Variants in PSMA5 observed in about 807,000 individuals in gnomAD.
PSMA5 encodes proteasome subunit alpha type-5.
PSMA5 carries 3 observed loss-of-function variants against 34.5 expected under a neutral mutation model. The ratio of observed to expected loss-of-function variants is 0.09; its 90% CI spans 0.04 to 0.22. The LOEUF is 0.22. PSMA5 is among the 10% of genes least tolerant of loss of function. The pLI, the probability that PSMA5 is intolerant of heterozygous loss-of-function variation, is 1.00. For synonymous variants in PSMA5, 88 were observed against 95.8 expected, an observed-to-expected ratio of 0.92 and a Z score of 0.47; for missense variants, 120 against 286.1, an observed-to-expected ratio of 0.42 and a Z score of 4.19.
intron 8 of PSMA5, among the ~76,000 whole-genome samples, chr1:109,407,259 T>C (rs1452686836): frequency 6.6e-6 from 1 of 152,194 alleles, no homozygotes; most frequent in Non-Finnish European, 1.5e-5. Flanking sequence ...AGTGCTGAGA[T>C]TACAGGCATG....
chr1:109,426,213 C>A, intron 1 of PSMA5, 89 bp downstream of exon 1: 1 of 1,549,732 alleles, frequency 6.5e-7, no homozygotes, highest in Non-Finnish European at 8.9e-7. Flanking sequence ...CCTGGGGAGC[C>A]CCATGACACG....
chr1:109,423,901 T>C (rs1386839376), intron 1 of PSMA5, among the ~76,000 whole-genome samples: 5 of 152,352 alleles, frequency 3.3e-5, no homozygotes, highest in Admixed American at 1.3e-4. Context: ...CAGCACACAG[T>C]TGCCTACAGA....
chr1:109,401,303 A>G lies in PSMA5; in HGVS notation c.*710T>C, dbSNP rs1653509514. Reference sequence around the variant, plus strand: ...AAGGAAATCTCTTTCCAAATTGTCTATCAAGACCCAAGAACTGGTACAACA... The same window carrying G: ...AAGGAAATCTCTTTCCAAATTGTCTGTCAAGACCCAAGAACTGGTACAACA... On this transcript the variant is annotated 3_prime_UTR_variant, in exon 9 of 9. Transcript: ENST00000271308. 6.6e-6 allele frequency: 1 copy of G among 152,220 alleles called. No homozygotes were observed. 9.4% of individuals were successfully genotyped at this position (152,220 alleles called of 1,614,324 possible). A position where few individuals can be genotyped will look rare whatever the true frequency, so the allele number is the denominator to read the frequency against.
intron 8 of PSMA5, among the ~76,000 whole-genome samples, chr1:109,402,877 G>T (rs543116977): frequency 6.6e-6 from 1 of 152,052 alleles, no homozygotes; most frequent in East Asian, 1.9e-4. Context: ...GGCTAATTTT[G>T]TATTTTTAGT....
chr1:109,415,962 C>T (rs369896172), intron 2 of PSMA5, among the ~76,000 whole-genome samples: 2 of 152,116 alleles, frequency 1.3e-5, no homozygotes, highest in South Asian at 2.1e-4. Context: ...TATTTAAGGT[C>T]GCTAGAAGTC....
At chr1:109,421,417 C>T (rs1293050823) in intron 2 of PSMA5, among the ~76,000 whole-genome samples, 1 of 148,494 alleles carries the variant, frequency 6.7e-6, no homozygotes, top group Non-Finnish European at 1.5e-5. Context: ...AAGCTGAGAT[C>T]ACGCCACTGA....
chr1:109,421,687 T>C (rs955246094), intron 2 of PSMA5, among the ~76,000 whole-genome samples, 173 bp downstream of exon 2: 16 of 152,044 alleles, frequency 1.1e-4, no homozygotes, highest in African/African-American at 3.9e-4. Context: ...AGTTTTAAAA[T>C]AGATATTAGG....
chr1:109,417,305 T>C (rs1247370290), intron 2 of PSMA5, among the ~76,000 whole-genome samples: 4 of 152,118 alleles, frequency 2.6e-5, no homozygotes, highest in East Asian at 1.9e-4. Flanking sequence ...AGGTTAGTGA[T>C]ACCTGGGTAA....
chr1:109,410,385 A>G (rs1421973094), intron 7 of PSMA5, among the ~76,000 whole-genome samples: 1 of 152,198 alleles, frequency 6.6e-6, no homozygotes, highest in African/African-American at 2.4e-5. Flanking sequence ...AGGTAGCCCA[A>G]TGGTTTAGAA....
At chr1:109,405,286 A>T (rs1653703937) in intron 8 of PSMA5, among the ~76,000 whole-genome samples, 1 of 152,242 alleles carries the variant, frequency 6.6e-6, no homozygotes, top group South Asian at 2.1e-4. Context: ...CGGAATAGGA[A>T]TATCTATCTC....
At position 109,402,693 on chromosome 1, in the gene PSMA5, GT is replaced by G. The variant is rs571054782; in HGVS notation, c.649-604del. 3.5e-3 allele frequency among the ~76,000 whole-genome samples: 538 copies of G among 152,114 alleles called. 2 individuals are homozygous for G. Among genetic ancestry groups the G allele is most frequent in the African/African-American group, 0.012 (518 of 41,486 alleles). The stretch of plus-strand genomic sequence containing the variant: ...TTATGTGGCAAAACTTAACAAAAAA[GT>G]TTTTTTTGTTTGTTTTTGGTTTTGT... On this transcript the variant is annotated intron_variant, in intron 8 of 8. Transcript: ENST00000271308.
intron 8 of PSMA5, among the ~76,000 whole-genome samples, chr1:109,403,040 A>T (rs1299084334): frequency 6.6e-6 from 1 of 152,176 alleles, no homozygotes; most frequent in Non-Finnish European, 1.5e-5. Flanking sequence ...CCAAGAAAAG[A>T]TTTCATTAAC....
chr1:109,426,447 C>T lies in PSMA5; in HGVS notation c.-117G>A. The T allele has an allele frequency of 7.5e-7, 1 of 1,338,018 alleles. No homozygotes were observed. Among genetic ancestry groups the T allele is most frequent in the South Asian group, 1.2e-5 (1 of 85,048 alleles). 82.9% of individuals were successfully genotyped at this position (1,338,018 alleles called of 1,614,324 possible). A position where few individuals can be genotyped will look rare whatever the true frequency, so the allele number is the denominator to read the frequency against. On this transcript the variant is annotated 5_prime_UTR_variant, in exon 1 of 9. Coordinates refer to ENST00000271308, the MANE Select transcript of PSMA5 (RefSeq NM_002790.4). Reference sequence around the variant, plus strand: ...ACACGGCCGCAGTACTAAGGACCAACTGCGCGTGCGACCGCGACCTCTTTA... The same window carrying T: ...ACACGGCCGCAGTACTAAGGACCAATTGCGCGTGCGACCGCGACCTCTTTA...
rs988144505 is a variant in PSMA5, at chr1:109,399,707, T to C, written c.*2306A>G. On this transcript the variant is annotated 3_prime_UTR_variant, in exon 9 of 9. Coordinates refer to ENST00000271308, the MANE Select transcript of PSMA5 (RefSeq NM_002790.4). ...TCAAACTGTATCAGCTTCTGGGACATGGTAACTTGCATATGGCACTGAGAA... is the reference window on the plus strand; with the variant it reads ...TCAAACTGTATCAGCTTCTGGGACACGGTAACTTGCATATGGCACTGAGAA... 6.6e-6 allele frequency: 1 copy of C among 152,234 alleles called. No individual in the cohort carries two copies. Among genetic ancestry groups the C allele is most frequent in the South Asian group, 2.1e-4 (1 of 4,838 alleles). 9.4% of individuals were successfully genotyped at this position (152,234 alleles called of 1,614,324 possible). A position where few individuals can be genotyped will look rare whatever the true frequency, so the allele number is the denominator to read the frequency against.
At chr1:109,419,306 C>T (rs1222339867) in intron 2 of PSMA5, among the ~76,000 whole-genome samples, 2 of 152,164 alleles carry the variant, frequency 1.3e-5, no homozygotes, top group Non-Finnish European at 2.9e-5. Context: ...ATGAAGTCCA[C>T]AGGTACACAG....
chr1:109,410,957 T>A, intron 7 of PSMA5, 54 bp downstream of exon 7: 1 of 1,323,848 alleles, frequency 7.6e-7, no homozygotes, highest in East Asian at 2.5e-5. Flanking sequence ...TTTTATTATA[T>A]GTAAATTATA....
At chr1:109,424,008 T>G (rs1654547707) in intron 1 of PSMA5, among the ~76,000 whole-genome samples, 1 of 152,218 alleles carries the variant, frequency 6.6e-6, no homozygotes, top group South Asian at 2.1e-4. Context: ...CATACACGTA[T>G]CATATGTGCC....
chr1:109,404,532 A>G (rs1440753348), intron 8 of PSMA5, among the ~76,000 whole-genome samples: 3 of 150,674 alleles, frequency 2.0e-5, no homozygotes, highest in African/African-American at 7.5e-5. Flanking sequence ...AGTCCTACAG[A>G]AGAACTGGAA....
chr1:109,412,070 C>T lies in PSMA5; in HGVS notation c.399+7G>A, dbSNP rs778889422. On this transcript the variant is annotated splice_region_variant and intron_variant, in intron 5 of 8. Coordinates refer to ENST00000271308, the MANE Select transcript of PSMA5 (RefSeq NM_002790.4). ...ATAAGAAAACTCGACAGAAGTATCA[C>T]ACTCACCATGGCACCTGGATCTGCA... 5.6e-6 allele frequency: 9 copies of T among 1,612,196 alleles called. No homozygotes were observed. The highest frequency in any genetic ancestry group is 3.3e-5 in the Admixed American group (2 of 60,006).
Sources: gnomAD v4.1 joint callset for allele counts (sites outside exome capture counted in the v4.1 genomes callset) on GRCh38, gnomAD v4.1.1 for gene constraint, MANE v1.5 for transcripts, NCBI Gene and HGNC (gene_info 2026-07-23, HGNC 2026-07-21) for gene names.